Variants in SKAP2 observed in about 807,000 individuals in gnomAD.
SKAP2 encodes the protein src kinase-associated phosphoprotein 2.
In SKAP2, 28 loss-of-function variants were observed where a neutral mutation model predicts 54.9. The ratio of observed to expected loss-of-function variants is 0.51; its 90% CI spans 0.38 to 0.70. The LOEUF is 0.70. SKAP2 is among the 30% of genes least tolerant of loss of function. SKAP2 has a pLI of 0.00. For missense variants in SKAP2, 356 were observed against 424.1 expected, an observed-to-expected ratio of 0.84 and a Z score of 1.41; for synonymous variants, 137 against 134.3, an observed-to-expected ratio of 1.02 and a Z score of -0.14.
At chr7:26,824,138 T>G (rs896514395) in intron 4 of SKAP2, among the ~76,000 whole-genome samples, 8 of 152,112 alleles carry the variant, frequency 5.3e-5, no homozygotes, top group African/African-American at 1.9e-4. Context: ...CTGTCTTTAT[T>G]TAAGAAACTG....
rs1787720966 is a variant in SKAP2, at chr7:26,726,894, T to C, written c.582A>G (p.Lys194=). The part of the protein sequence containing the change: ...DCCFEISAPD[K]RIYQFTAASP... The stretch of plus-strand genomic sequence containing the variant: ...TAAAAACTACAACCTGATATATACG[T>C]TTATCAGGAGCAGAGATTTCAAAAC... Residue 194 remains lysine, a synonymous_variant, in exon 7 of 13, where the codon AAA becomes AAG. Coordinates refer to ENST00000345317, the MANE Select transcript of SKAP2 (RefSeq NM_003930.5). 1.9e-6 allele frequency: 3 copies of C among 1,608,472 alleles called. No individual in the cohort carries two copies. The African/African-American group carries it at 4.0e-5, about 22-fold the overall frequency.
chr7:26,756,303 A>G (rs1403333766), intron 4 of SKAP2, among the ~76,000 whole-genome samples: 1 of 152,116 alleles, frequency 6.6e-6, no homozygotes, highest in Non-Finnish European at 1.5e-5. Flanking sequence ...CATTAGGTAT[A>G]TCTCCTAATG....
chr7:26,682,108 A>G (rs1449054429), intron 11 of SKAP2, among the ~76,000 whole-genome samples: 1 of 152,240 alleles, frequency 6.6e-6, no homozygotes, highest in Non-Finnish European at 1.5e-5. Context: ...TAAAAATGCT[A>G]GTGGTTTCTA....
At chr7:26,682,046 C>CA (rs1584327494) in intron 11 of SKAP2, among the ~76,000 whole-genome samples, 3 of 152,102 alleles carry the variant, frequency 2.0e-5, no homozygotes, top group Admixed American at 2.0e-4. Flanking sequence ...CCCATCACCA[C>CA]AAAATCTTAA....
chr7:26,777,126 T>C (rs1399765980), intron 4 of SKAP2, among the ~76,000 whole-genome samples: 1 of 152,148 alleles, frequency 6.6e-6, no homozygotes, highest in Non-Finnish European at 1.5e-5. Flanking sequence ...TCTGAAAATA[T>C]TATAAACTTA....
chr7:26,705,631 A>G (rs1396678633), intron 9 of SKAP2, among the ~76,000 whole-genome samples: 2 of 152,208 alleles, frequency 1.3e-5, no homozygotes, highest in South Asian at 2.1e-4. Flanking sequence ...TTGGAAAATA[A>G]TTTCTGGATT....
chr7:26,716,201 C>T (rs1380916765), intron 9 of SKAP2, among the ~76,000 whole-genome samples: 1 of 152,038 alleles, frequency 6.6e-6, no homozygotes, highest in East Asian at 1.9e-4. Context: ...TTTTTTGCCT[C>T]CTTGGTCTAT....
At chr7:26,756,258 A>G (rs1226644889) in intron 4 of SKAP2, among the ~76,000 whole-genome samples, 1 of 152,210 alleles carries the variant, frequency 6.6e-6, no homozygotes, top group Admixed American at 6.5e-5. Context: ...AACATCTGCC[A>G]TGCTGGTGTG....
chr7:26,748,037 C>T (rs1251761102), intron 4 of SKAP2, among the ~76,000 whole-genome samples: 3 of 152,026 alleles, frequency 2.0e-5, no homozygotes. Context: ...TCCAATTATC[C>T]TTCTCCACTC....
At chr7:26,710,620 T>C (rs1033934579) in intron 9 of SKAP2, among the ~76,000 whole-genome samples, 3 of 152,154 alleles carry the variant, frequency 2.0e-5, no homozygotes, top group South Asian at 2.1e-4. Context: ...AAGTGTTGCA[T>C]TATAGCAGTG....
At position 26,799,415 on chromosome 7, in the gene SKAP2, T is replaced by C. The variant is rs1783862580; in HGVS notation, c.307+44615A>G. Among the ~76,000 whole-genome samples the C allele has an allele frequency of 2.0e-5, 3 of 152,106 alleles. No homozygotes were observed. The South Asian group carries it at 6.2e-4, about 32-fold the overall frequency. On this transcript the variant is annotated intron_variant, in intron 4 of 12. Coordinates refer to ENST00000345317, the MANE Select transcript of SKAP2 (RefSeq NM_003930.5). ...AACCAAAAAAGAGCAGGAATTGCTATACTTAGACAAAATAGATTTCAAGAC... is the reference window on the plus strand; with the variant it reads ...AACCAAAAAAGAGCAGGAATTGCTACACTTAGACAAAATAGATTTCAAGAC...
At chr7:26,849,340 T>G (rs1338602652) in intron 3 of SKAP2, among the ~76,000 whole-genome samples, 1 of 152,026 alleles carries the variant, frequency 6.6e-6, no homozygotes, top group East Asian at 1.9e-4. Context: ...AAGGAGAAAA[T>G]GAGACTTTTA....
intron 11 of SKAP2, among the ~76,000 whole-genome samples, chr7:26,674,928 T>C (rs1050572641): frequency 6.6e-6 from 1 of 152,148 alleles, no homozygotes; most frequent in Non-Finnish European, 1.5e-5. Flanking sequence ...TTCAGACTGG[T>C]GATTCGCAGA....
intron 11 of SKAP2, among the ~76,000 whole-genome samples, chr7:26,682,824 G>A (rs181945575): frequency 1.3e-5 from 2 of 152,150 alleles, no homozygotes; most frequent in Admixed American, 6.5e-5. Flanking sequence ...TGCCTCCTTC[G>A]GAATCCTAAA....
Position 26,787,679 on chromosome 7 carries a change from T to C in SKAP2, c.308-47715A>G, listed in dbSNP as rs143340115. On this transcript the variant is annotated intron_variant, in intron 4 of 12. Coordinates refer to ENST00000345317, the MANE Select transcript of SKAP2 (RefSeq NM_003930.5). ...GCAAAGGGTGACCTGGTGTTTCATA[T>C]GGCAGAGCAGGAGCAAGAGGGAGGG... Among the ~76,000 whole-genome samples, 58 of 152,170 alleles carry C rather than the reference T, an allele frequency of 3.8e-4. 1 individual carries two copies. The highest frequency in any genetic ancestry group is 1.3e-3 in the African/African-American group (55 of 41,526).
chr7:26,830,690 T>C (rs941203094), intron 4 of SKAP2, among the ~76,000 whole-genome samples: 9 of 152,194 alleles, frequency 5.9e-5, no homozygotes, highest in African/African-American at 2.2e-4. Flanking sequence ...ATAGTATTTA[T>C]GTTATTTTTA....
chr7:26,749,467 G>A (rs1269060806), intron 4 of SKAP2, among the ~76,000 whole-genome samples: 1 of 151,974 alleles, frequency 6.6e-6, no homozygotes, highest in African/African-American at 2.4e-5. Context: ...ATAGGTCCTC[G>A]GCTGGGGGTA....
intron 9 of SKAP2, among the ~76,000 whole-genome samples, chr7:26,708,607 T>A (rs924795861): frequency 1.3e-5 from 2 of 152,190 alleles, no homozygotes; most frequent in African/African-American, 4.8e-5. Context: ...TCATCTTCAG[T>A]ATGTTCTATA....
At chr7:26,801,152 T>C (rs1783905409) in intron 4 of SKAP2, among the ~76,000 whole-genome samples, 1 of 152,202 alleles carries the variant, frequency 6.6e-6, no homozygotes, top group African/African-American at 2.4e-5. Context: ...AGACAGATCA[T>C]TCATCATGAC....
Sources: allele counts gnomAD v4.1 joint callset (sites outside exome capture counted in the v4.1 genomes callset), GRCh38; gene constraint gnomAD v4.1.1; transcripts MANE v1.5; gene names NCBI Gene and HGNC (gene_info 2026-07-23, HGNC 2026-07-21).